Variants in RLF observed in about 807,000 individuals in gnomAD.
RLF encodes the protein RLF zinc finger.
A neutral mutation model predicts 162.9 loss-of-function variants in RLF; 7 were observed. That is an observed-to-expected ratio of 0.04 (90% CI 0.02 to 0.08). The LOEUF (loss-of-function observed/expected upper bound fraction) is 0.08. Ranked by LOEUF, RLF falls within the 10% of genes least tolerant of loss-of-function variation. The pLI, the probability that RLF is intolerant of heterozygous loss-of-function variation, is 1.00. For synonymous variants in RLF, 782 were observed against 791.5 expected (o/e 0.99, Z 0.20); for missense variants, 1,664 against 2,244.7 (o/e 0.74, Z 5.23).
At chr1:40,228,021 G>C (rs141104861) in intron 6 of RLF, among the ~76,000 whole-genome samples, 12 of 151,888 alleles carry the variant, frequency 7.9e-5, no homozygotes, top group African/African-American at 2.9e-4. Context: ...AAATTTATTT[G>C]AGCCTGTAAT....
intron 4 of RLF, among the ~76,000 whole-genome samples, chr1:40,198,795 A>ATTGAAAT (rs1309833231): frequency 6.6e-6 from 1 of 152,226 alleles, no homozygotes; most frequent in Non-Finnish European, 1.5e-5. Flanking sequence ...AAAATTTTGT[A>ATTGAAAT]TTGAAATGTT....
At chr1:40,223,587 G>A (rs1267084019) in intron 6 of RLF, among the ~76,000 whole-genome samples, 1 of 152,324 alleles carries the variant, frequency 6.6e-6, no homozygotes, top group South Asian at 2.1e-4. Flanking sequence ...AGCCTTTTGT[G>A]TACTTCAGCC....
At chr1:40,175,205 T>TCG (rs1642303165) in intron 1 of RLF, among the ~76,000 whole-genome samples, 3 of 39,958 alleles carry the variant, frequency 7.5e-5, no homozygotes, top group African/African-American at 2.1e-4. Context: ...ATGGTGGGGG[T>TCG]GGGGGGGGGA....
intron 3 of RLF, among the ~76,000 whole-genome samples, chr1:40,194,507 G>A (rs1037518286): frequency 6.6e-5 from 10 of 151,760 alleles, no homozygotes; most frequent in Admixed American, 5.9e-4. Context: ...AGGCGTGGTG[G>A]CAGGCGCCTG....
At chr1:40,235,710 A>T in intron 7 of RLF, 82 bp from the exon 8 acceptor site, 1 of 1,023,628 alleles carries the variant, frequency 9.8e-7, no homozygotes, top group Non-Finnish European at 1.4e-6. Context: ...AAGTTTTTAC[A>T]AGCTAAAATT....
chr1:40,221,858 C>T (rs1643001129), intron 5 of RLF, among the ~76,000 whole-genome samples: 1 of 145,940 alleles, frequency 6.9e-6, no homozygotes, highest in Non-Finnish European at 1.5e-5. Flanking sequence ...TGAGATCGCG[C>T]CACTGCACTC....
chr1:40,229,448 C>CT (rs1005418216), intron 6 of RLF, among the ~76,000 whole-genome samples: 7,455 of 90,994 alleles, frequency 0.082, 419 homozygotes, highest in Non-Finnish European at 0.095. Context: ...ATTCATTTAT[C>CT]TTTTTTTTTT....
intron 1 of RLF, among the ~76,000 whole-genome samples, chr1:40,182,252 T>C (rs1314967730): frequency 2.0e-5 from 3 of 151,996 alleles, no homozygotes; most frequent in Admixed American, 1.3e-4. Context: ...GCCAACATGG[T>C]GAAACCCCCG....
intron 1 of RLF, among the ~76,000 whole-genome samples, chr1:40,166,891 T>G (rs377411103): frequency 2.0e-5 from 3 of 150,334 alleles, no homozygotes; most frequent in African/African-American, 4.9e-5. Flanking sequence ...CATTAGGAGA[T>G]ATACCTAATG....
intron 1 of RLF, among the ~76,000 whole-genome samples, chr1:40,177,177 G>A (rs1226506771): frequency 6.6e-6 from 1 of 151,942 alleles, no homozygotes; most frequent in Non-Finnish European, 1.5e-5. Flanking sequence ...GATGAGACAG[G>A]GTTTCGCCAT....
At chr1:40,190,466 C>T (rs1642540620) in intron 2 of RLF, among the ~76,000 whole-genome samples, 1 of 152,088 alleles carries the variant, frequency 6.6e-6, no homozygotes, top group African/African-American at 2.4e-5. Flanking sequence ...TAGAATTGTC[C>T]TATATGGGTG....
intron 5 of RLF, among the ~76,000 whole-genome samples, chr1:40,214,604 G>T (rs1237754382): frequency 6.6e-6 from 1 of 152,008 alleles, no homozygotes; most frequent in South Asian, 2.1e-4. Context: ...TATATTCAGA[G>T]AACTAAAGGA....
chr1:40,195,796 T>C (rs760573060), intron 4 of RLF, 32 bp downstream of exon 4: 1 of 1,590,698 alleles, frequency 6.3e-7, no homozygotes, highest in Non-Finnish European at 8.6e-7. Flanking sequence ...GATGAGGATT[T>C]AGTTCTGAGA....
chr1:40,219,132 T>C (rs6700912), intron 5 of RLF, among the ~76,000 whole-genome samples: 28,189 of 152,148 alleles, frequency 0.19, 2,752 homozygotes, highest in Non-Finnish European at 0.21. Context: ...TTGCAAAAGA[T>C]TGAGGACAAG....
At chr1:40,217,640 C>T (rs1333238788) in intron 5 of RLF, among the ~76,000 whole-genome samples, 81 of 151,616 alleles carry the variant, frequency 5.3e-4, no homozygotes, top group Admixed American at 5.2e-3. Context: ...GGCGCGGGAG[C>T]GTACGCCTGT....
At chr1:40,172,809 T>C (rs929882289) in intron 1 of RLF, among the ~76,000 whole-genome samples, 1 of 152,062 alleles carries the variant, frequency 6.6e-6, no homozygotes, top group African/African-American at 2.4e-5. Flanking sequence ...TAAGTTTTGA[T>C]GGATACTTGC....
chr1:40,201,043 C>A (rs115392532), intron 4 of RLF, among the ~76,000 whole-genome samples: 1,168 of 20,086 alleles, frequency 0.058, 75 homozygotes, highest in Non-Finnish European at 0.085. Context: ...ACACACACAC[C>A]CCCCCCACAC....
chr1:40,196,356 G>A (rs140529750), intron 4 of RLF, among the ~76,000 whole-genome samples: 39 of 151,768 alleles, frequency 2.6e-4, no homozygotes, highest in African/African-American at 8.9e-4. Flanking sequence ...ATAGGCAAGA[G>A]CCACTGCGCC....
chr1:40,177,013 A>C (rs987983328), intron 1 of RLF, among the ~76,000 whole-genome samples: 7 of 149,044 alleles, frequency 4.7e-5, no homozygotes, highest in African/African-American at 1.7e-4. Context: ...TTTGAGACCG[A>C]GTCTCACTTT....
Sources: gnomAD v4.1 joint callset for allele counts (sites outside exome capture counted in the v4.1 genomes callset) on GRCh38, gnomAD v4.1.1 for gene constraint, MANE v1.5 for transcripts, NCBI Gene and HGNC (gene_info 2026-07-23, HGNC 2026-07-21) for gene names.